FLT1: variants seen among roughly 807,000 people sequenced by gnomAD.
FLT1 encodes the protein vascular endothelial growth factor receptor 1.
In FLT1, 49 loss-of-function variants were observed where a neutral mutation model predicts 156.3. The ratio of observed to expected loss-of-function variants is 0.31; its 90% CI spans 0.25 to 0.40. The LOEUF (loss-of-function observed/expected upper bound fraction) is 0.40. Among genes scored for constraint, FLT1 ranks in the 10% least tolerant of loss-of-function variants. The pLI, the probability that FLT1 is intolerant of heterozygous loss-of-function variation, is 1.00. For missense variants in FLT1, 1,322 were observed against 1,637.2 expected (o/e 0.81, Z 3.32); for synonymous variants, 594 against 583.8 (o/e 1.02, Z -0.25).
At chr13:28,332,442 G>A (rs1162452883) in intron 18 of FLT1, among the ~76,000 whole-genome samples, 1 of 152,034 alleles carries the variant, frequency 6.6e-6, no homozygotes, top group Non-Finnish European at 1.5e-5. Context: ...GCAGAGAAAC[G>A]GGACTAGCTG....
chr13:28,436,101 G>A (rs1162361438), intron 4 of FLT1, among the ~76,000 whole-genome samples: 1 of 152,224 alleles, frequency 6.6e-6, no homozygotes, highest in South Asian at 2.1e-4. Flanking sequence ...ACGGCTGTTA[G>A]TAGCATTCCA....
At chr13:28,447,439 G>A (rs569203519) in intron 3 of FLT1, among the ~76,000 whole-genome samples, 35 of 151,864 alleles carry the variant, frequency 2.3e-4, no homozygotes, top group South Asian at 8.3e-4. Flanking sequence ...CTCCTGCCCC[G>A]GTCTCCCAAA....
intron 1 of FLT1, among the ~76,000 whole-genome samples, chr13:28,484,184 A>G (rs1881014110): frequency 6.6e-6 from 1 of 152,200 alleles, no homozygotes; most frequent in Admixed American, 6.5e-5. Context: ...TTCATGTAGC[A>G]TCTGCCTTCA....
At chr13:28,403,848 C>A (rs1199806833) in intron 11 of FLT1, among the ~76,000 whole-genome samples, 1 of 152,116 alleles carries the variant, frequency 6.6e-6, no homozygotes, top group Non-Finnish European at 1.5e-5. Context: ...TCTAGATCAG[C>A]CTGGCCAACA....
At chr13:28,376,864 CA>C (rs1446477135) in intron 14 of FLT1, among the ~76,000 whole-genome samples, 3 of 152,204 alleles carry the variant, frequency 2.0e-5, no homozygotes, top group Admixed American at 2.0e-4. Context: ...CACTCAGGGT[CA>C]AGGGTTCTCC....
At chr13:28,323,898 C>A (rs1871575319) in intron 20 of FLT1, among the ~76,000 whole-genome samples, 1 of 152,080 alleles carries the variant, frequency 6.6e-6, no homozygotes, top group Admixed American at 6.5e-5. Flanking sequence ...TTTTCTCTTC[C>A]ATTTAAACAA....
At position 28,427,880 on chromosome 13, in the gene FLT1, T is replaced by G. The variant is rs765357374; in HGVS notation, c.1148A>C (p.Tyr383Ser). ...AATTAACGAGTAGCCACGAGTCAAA[T>G]AGCGAGCAGATTTCTCAGTCGCAGG... ...GLPATEKSARYLTRGYSLIIK... is the reference protein window; with the variant it reads ...GLPATEKSARSLTRGYSLIIK... The change falls in exon 9 of 30, where the codon TAT (tyrosine) becomes TCT (serine). Residue 383 changes from tyrosine to serine, a missense_variant. Coordinates refer to ENST00000282397, the MANE Select transcript of FLT1 (RefSeq NM_002019.4). 1 of 1,614,006 alleles carries G rather than the reference T, an allele frequency of 6.2e-7. No homozygotes were observed. Among genetic ancestry groups the G allele is most frequent in the Non-Finnish European group, 8.5e-7 (1 of 1,179,898 alleles).
chr13:28,483,466 G>A (rs1279559244), intron 1 of FLT1, among the ~76,000 whole-genome samples: 2 of 152,068 alleles, frequency 1.3e-5, no homozygotes, highest in East Asian at 1.9e-4. Context: ...TTGACCAAAC[G>A]TTCCAGCTTT....
At chr13:28,469,916 C>T (rs1183588343) in intron 1 of FLT1, among the ~76,000 whole-genome samples, 1 of 151,840 alleles carries the variant, frequency 6.6e-6, no homozygotes, top group Non-Finnish European at 1.5e-5. Context: ...ATCAGCGTGG[C>T]TAATTTTTTG....
chr13:28,427,245 T>C lies in FLT1; in HGVS notation c.1350A>G (p.Gln450=). The C allele has an allele frequency of 6.2e-7, 1 of 1,614,026 alleles. No homozygotes were observed. Among genetic ancestry groups the C allele is most frequent in the Non-Finnish European group, 8.5e-7 (1 of 1,179,902 alleles). The change falls in exon 10 of 30, where the codon CAA becomes CAG. Residue 450 remains glutamine, a synonymous_variant. Transcript: ENST00000282397. The part of the protein sequence containing the change: ...DPALYPLGSR[Q]ILTCTAYGIP... The stretch of plus-strand genomic sequence containing the variant: ...TACCATATGCGGTACAAGTCAGGAT[T>C]TGTCTGCTGCCCAGTGGGTAGAGAG...
At chr13:28,330,770 T>C (rs1298680438) in intron 18 of FLT1, among the ~76,000 whole-genome samples, 1 of 151,826 alleles carries the variant, frequency 6.6e-6, no homozygotes, top group East Asian at 1.9e-4. Flanking sequence ...CTGGCGTGCA[T>C]TGGTGCGATC....
At chr13:28,331,461 C>T (rs569342580) in intron 18 of FLT1, among the ~76,000 whole-genome samples, 15 of 152,336 alleles carry the variant, frequency 9.8e-5, no homozygotes, top group Admixed American at 2.6e-4. Flanking sequence ...GACGGAGTCT[C>T]GCTCTGTCAC....
intron 12 of FLT1, among the ~76,000 whole-genome samples, chr13:28,395,807 C>T (rs1037672195): frequency 6.6e-6 from 1 of 152,134 alleles, no homozygotes; most frequent in Non-Finnish European, 1.5e-5. Flanking sequence ...ATTGATGTTC[C>T]TCCAAGTGCT....
intron 14 of FLT1, among the ~76,000 whole-genome samples, chr13:28,367,884 A>G (rs1272494713): frequency 6.6e-6 from 1 of 152,230 alleles, no homozygotes; most frequent in African/African-American, 2.4e-5. Context: ...ATCAAAGTCC[A>G]ATTCAGATGA....
intron 10 of FLT1, among the ~76,000 whole-genome samples, chr13:28,424,786 A>G (rs989885605): frequency 2.1e-4 from 32 of 152,196 alleles, no homozygotes; most frequent in African/African-American, 7.5e-4. Flanking sequence ...TCTTTTGATG[A>G]TCATGTATAG....
chr13:28,350,972 C>T (rs914348466), intron 15 of FLT1, among the ~76,000 whole-genome samples: 10 of 149,226 alleles, frequency 6.7e-5, no homozygotes, highest in Admixed American at 6.0e-4. Context: ...CCCTCTCCCA[C>T]CGTCTCTCTG....
At position 28,300,575 on chromosome 13, in the gene FLT1, C is replaced by T. The variant is rs1277257679; in HGVS notation, c.*2592G>A. ...CACACACATACAGTTACACCACTGT[C>T]GGCCAAAGATGCACTCCTCCTTTAA... On this transcript the variant is annotated 3_prime_UTR_variant, in exon 30 of 30. Transcript: ENST00000282397. The T allele has an allele frequency of 8.8e-6, 2 of 227,992 alleles. No homozygotes were observed. Among genetic ancestry groups the T allele is most frequent in the East Asian group, 6.1e-5 (1 of 16,322 alleles). The allele number at this position is 227,992 out of a possible 1,614,324, so 14.1% of individuals were successfully genotyped here.
chr13:28,426,354 G>T (rs1877341874), intron 10 of FLT1, among the ~76,000 whole-genome samples: 1 of 152,086 alleles, frequency 6.6e-6, no homozygotes, highest in South Asian at 2.1e-4. Flanking sequence ...AGCAAACAAG[G>T]CTCAGTCATC....
chr13:28,324,642 G>C (rs955735362), intron 20 of FLT1, among the ~76,000 whole-genome samples: 2 of 152,210 alleles, frequency 1.3e-5, no homozygotes, highest in African/African-American at 4.8e-5. Flanking sequence ...TGTTCAGTTG[G>C]GGACTGGAAT....
Sources: gnomAD v4.1 joint callset for allele counts (sites outside exome capture counted in the v4.1 genomes callset) on GRCh38, gnomAD v4.1.1 for gene constraint, MANE v1.5 for transcripts, NCBI Gene and HGNC (gene_info 2026-07-23, HGNC 2026-07-21) for gene names.